The following RAP1GAP variants were observed in gnomAD, a reference collection of about 807,000 sequenced individuals.
RAP1GAP encodes the protein rap1 GTPase-activating protein 1.
A neutral mutation model predicts 87.2 loss-of-function variants in RAP1GAP; 35 were observed. The ratio of observed to expected loss-of-function variants is 0.40; its 90% CI spans 0.31 to 0.53. RAP1GAP has a LOEUF of 0.53. RAP1GAP is among the 20% of genes least tolerant of loss of function. RAP1GAP has a pLI of 0.48. For synonymous variants in RAP1GAP, 375 were observed against 363.9 expected, an observed-to-expected ratio of 1.03 and a Z score of -0.35; for missense variants, 734 against 898.9, an observed-to-expected ratio of 0.82 and a Z score of 2.35.
chr1:21,603,873 G>A lies in RAP1GAP; in HGVS notation c.1429-960C>T, dbSNP rs148913674. 6.9e-6 allele frequency: 11 copies of A among 1,583,496 alleles called. No individual in the cohort carries two copies. The highest frequency in any genetic ancestry group is 2.3e-5 in the East Asian group (1 of 43,670). Reference sequence around the variant, plus strand: ...CCTATGCCTATGGCACTGCCCCGGCGTCCGAATCTACTCGCACTTTTCCCA... The same window carrying A: ...CCTATGCCTATGGCACTGCCCCGGCATCCGAATCTACTCGCACTTTTCCCA... On this transcript the variant is annotated intron_variant, in intron 18 of 24. Coordinates refer to ENST00000374765, the MANE Select transcript of RAP1GAP (RefSeq NM_002885.4). This position sits in a 1 kb window ranked among gnomAD's most constrained non-coding sequence, Gnocchi z 6.0.
At chr1:21,620,852 ACT>A (rs35090439) in intron 3 of RAP1GAP, among the ~76,000 whole-genome samples, 2 of 149,784 alleles carry the variant, frequency 1.3e-5, no homozygotes, top group Admixed American at 6.6e-5. Flanking sequence ...AAGCACGCAC[ACT>A]CTCTCTCTCT....
At chr1:21,638,334 G>A (rs950674817) in intron 2 of RAP1GAP, among the ~76,000 whole-genome samples, 2 of 151,868 alleles carry the variant, frequency 1.3e-5, no homozygotes, top group African/African-American at 4.8e-5. Flanking sequence ...GCGCATGCTT[G>A]TAATCCCAGC....
At chr1:21,601,996 A>G (rs1210219481) in intron 19 of RAP1GAP, among the ~76,000 whole-genome samples, 199 bp from the exon 20 acceptor site, 2 of 152,168 alleles carry the variant, frequency 1.3e-5, no homozygotes, top group Non-Finnish European at 1.5e-5. Context: ...ATGGGGCTAT[A>G]TGGGACAGGA....
intron 1 of RAP1GAP, among the ~76,000 whole-genome samples, chr1:21,656,417 T>TA (rs71661339): frequency 3.0e-4 from 29 of 96,194 alleles, no homozygotes; most frequent in African/African-American, 1.0e-3. Flanking sequence ...AGACTCCATC[T>TA]AAAAAAAAAA....
At chr1:21,601,559 A>T in intron 20 of RAP1GAP, 125 bp downstream of exon 20, 1 of 602,130 alleles carries the variant, frequency 1.7e-6, no homozygotes, top group Non-Finnish European at 2.7e-6. Context: ...GAGAATGCCC[A>T]GGTCCCCCTG....
rs532441484 is a variant in RAP1GAP at position 21,615,860 on chromosome 1, C to G, written c.291+1446G>C. Among the ~76,000 whole-genome samples the G allele has an allele frequency of 3.8e-4, 58 of 152,318 alleles. No individual in the cohort carries two copies. Among genetic ancestry groups the G allele is most frequent in the Admixed American group, 6.5e-4 (10 of 15,304 alleles). On this transcript the variant is annotated intron_variant, in intron 7 of 24. Coordinates refer to ENST00000374765, the MANE Select transcript of RAP1GAP (RefSeq NM_002885.4). This position sits in a 1 kb window ranked among gnomAD's most constrained non-coding sequence, Gnocchi z 4.5. ...AGTACCCTCAGATCCTACCACCTGC[C>G]AGACCCAGCTGGGAACCTCTGGACA...
At chr1:21,644,686 T>A (rs2095853028) in intron 2 of RAP1GAP, among the ~76,000 whole-genome samples, 1 of 151,794 alleles carries the variant, frequency 6.6e-6, no homozygotes, top group African/African-American at 2.4e-5. Context: ...GATCACAAGG[T>A]CAGGAGCTCG....
At chr1:21,621,794 G>C (rs1333478330) in intron 3 of RAP1GAP, among the ~76,000 whole-genome samples, 1 of 151,824 alleles carries the variant, frequency 6.6e-6, no homozygotes, top group African/African-American at 2.4e-5. Flanking sequence ...CCCCACTCAG[G>C]GTGACCAAAC....
At chr1:21,645,652 C>T (rs1326330464) in intron 2 of RAP1GAP, among the ~76,000 whole-genome samples, 1 of 152,202 alleles carries the variant, frequency 6.6e-6, no homozygotes, top group East Asian at 1.9e-4. Context: ...CTTGGGAGAT[C>T]CCTGCCCAGA....
rs374557618 is a variant in RAP1GAP, at chr1:21,599,602, C to A, written c.1668G>T (p.Ala556=). The change falls in exon 21 of 25, where the codon GCG becomes GCT. Residue 556 remains alanine, a synonymous_variant. Transcript: ENST00000374765. ...AGTCCTTGAGCGCCTCTGCTCTCTG[C>A]GCTGCGGTCTCCGCTCTGCCACAGA... is the stretch of plus-strand genomic sequence containing the variant. ...PTTKNRAETA[A]QRAEALKDFS... is the part of the protein sequence containing the mutation. 1.2e-6 allele frequency: 2 copies of A among 1,606,612 alleles called. No homozygotes were observed. The highest frequency in any genetic ancestry group is 2.2e-5 in the East Asian group (1 of 44,880).
rs1020905671 is a variant in RAP1GAP at position 21,613,842 on chromosome 1, C to T, written c.396-136G>A. ...GGTGATGATGGGTGTCAGGCTGACT[C>T]GGGTACTAACTTGCTGTGCAACCTC... On this transcript the variant is annotated intron_variant, in intron 8 of 24. Transcript: ENST00000374765. This position sits in a 1 kb window ranked among gnomAD's most constrained non-coding sequence, Gnocchi z 4.7. 17 of 1,130,728 alleles carry T rather than the reference C, an allele frequency of 1.5e-5. No homozygotes were observed. The highest frequency in any genetic ancestry group is 4.6e-5 in the African/African-American group (3 of 65,260). 70.0% of individuals were successfully genotyped at this position (1,130,728 alleles called of 1,614,324 possible). A position where few individuals can be genotyped will look rare whatever the true frequency, so the allele number is the denominator to read the frequency against.
chr1:21,630,415 C>A (rs2093498814), intron 2 of RAP1GAP, among the ~76,000 whole-genome samples: 2 of 151,286 alleles, frequency 1.3e-5, no homozygotes, highest in Admixed American at 6.6e-5. Context: ...ACTACAGGCA[C>A]CACCATGCCC....
In RAP1GAP at chr1:21,605,930, G is replaced by A. The variant is rs1454246197; in HGVS notation, c.1428+136C>T. ...CCCCTCCCATGGAAAGTAGTGGCTA[G>A]ACCAAATCCAGAGCCTAGGATGGGC... On this transcript the variant is annotated intron_variant, in intron 18 of 24. Coordinates refer to ENST00000374765, the MANE Select transcript of RAP1GAP (RefSeq NM_002885.4). The A allele has an allele frequency of 1.9e-5, 22 of 1,169,926 alleles. 1 individual carries two copies. The highest frequency in any genetic ancestry group is 2.4e-6 in the Non-Finnish European group (2 of 838,308). 72.5% of individuals were successfully genotyped at this position (1,169,926 alleles called of 1,614,324 possible).
rs545983588 is a variant in RAP1GAP at position 21,613,600 on chromosome 1, G to T, written c.474+28C>A. 1.3e-6 allele frequency: 2 copies of T among 1,587,790 alleles called. No homozygotes were observed. The highest frequency in any genetic ancestry group is 1.7e-4 in the Middle Eastern group (1 of 6,004). On this transcript the variant is annotated intron_variant, in intron 9 of 24. Coordinates refer to ENST00000374765, the MANE Select transcript of RAP1GAP (RefSeq NM_002885.4). The surrounding 1 kb of genome is among the most constrained non-coding windows in gnomAD (Gnocchi z 4.7). ...AGGTGCCCATCTGCGGAGCCAGCCC[G>T]GGAAGCTCAGCGGAGCGGAGACCTC...
chr1:21,600,929 A>G (rs1014099652), intron 20 of RAP1GAP, among the ~76,000 whole-genome samples: 3 of 148,980 alleles, frequency 2.0e-5, no homozygotes, highest in African/African-American at 7.4e-5. Flanking sequence ...CTGCTAAGCT[A>G]TAAGCCAGTG....
At chr1:21,654,110 G>C (rs1210473861) in intron 1 of RAP1GAP, among the ~76,000 whole-genome samples, 1 of 129,660 alleles carries the variant, frequency 7.7e-6, no homozygotes, top group African/African-American at 2.8e-5. Flanking sequence ...GGGAGTGGGG[G>C]TGGTTAGTGG....
chr1:21,629,831 C>T (rs1570988004), intron 2 of RAP1GAP, among the ~76,000 whole-genome samples: 1 of 152,358 alleles, frequency 6.6e-6, no homozygotes, highest in East Asian at 1.9e-4. Flanking sequence ...CAAGCTCACA[C>T]AGGCAATGAG....
intron 3 of RAP1GAP, 112 bp from the exon 4 acceptor site, chr1:21,620,162 C>CCTGT: frequency 5.3e-6 from 6 of 1,135,004 alleles, no homozygotes; most frequent in Non-Finnish European, 7.8e-6. Context: ...GACCGAGGCA[C>CCTGT]CTGTCTGAGT....
chr1:21,602,782 G>T, intron 19 of RAP1GAP, 22 bp downstream of exon 19: 1 of 1,579,160 alleles, frequency 6.3e-7, no homozygotes, highest in Non-Finnish European at 8.6e-7. Context: ...GGGGAATGGG[G>T]CACTGTCCCC....
Sources: allele counts gnomAD v4.1 joint callset (sites outside exome capture counted in the v4.1 genomes callset), GRCh38; gene constraint gnomAD v4.1.1; non-coding constraint Gnocchi (gnomAD v3.1); transcripts MANE v1.5; gene names NCBI Gene and HGNC (gene_info 2026-07-23, HGNC 2026-07-21).